Variants in MYOF observed in about 807,000 individuals in gnomAD.
The protein encoded by MYOF is fer-1-like 3, myoferlin.
In MYOF, 244 loss-of-function variants were observed where a neutral mutation model predicts 284.2. That is an observed-to-expected ratio of 0.86 (90% confidence interval 0.77 to 0.95). The LOEUF (loss-of-function observed/expected upper bound fraction) is 0.95. Among genes scored for constraint, MYOF ranks in the 40% least tolerant of loss-of-function variants. The pLI, the probability that MYOF is intolerant of heterozygous loss-of-function variation, is 0.00. For missense variants in MYOF, 2,496 were observed against 2,560.6 expected, an observed-to-expected ratio of 0.97 and a Z score of 0.54; for synonymous variants, 904 against 919.7, an observed-to-expected ratio of 0.98 and a Z score of 0.31.
chr10:93,480,968 T>C (rs2057373647), intron 1 of MYOF, among the ~76,000 whole-genome samples: 1 of 152,096 alleles, frequency 6.6e-6, no homozygotes, highest in South Asian at 2.1e-4. Flanking sequence ...GAAACACATG[T>C]CTATCCATGC....
At chr10:93,333,394 C>T in intron 42 of MYOF, 82 bp from the exon 43 acceptor site, 1 of 1,174,932 alleles carries the variant, frequency 8.5e-7, no homozygotes, top group Non-Finnish European at 1.3e-6. Context: ...CAGCTCGCCT[C>T]CACACCCACT....
intron 3 of MYOF, among the ~76,000 whole-genome samples, chr10:93,447,021 T>C (rs2056449982): frequency 6.6e-6 from 1 of 152,122 alleles, no homozygotes; most frequent in South Asian, 2.1e-4. Flanking sequence ...CCAGCCTCGT[T>C]TGGTCTTTAT....
chr10:93,358,912 T>C (rs1199900789), intron 29 of MYOF, among the ~76,000 whole-genome samples: 1 of 151,902 alleles, frequency 6.6e-6, no homozygotes, highest in East Asian at 1.9e-4. Context: ...GTAACAAACC[T>C]GCATGTACTG....
chr10:93,392,777 A>T, intron 17 of MYOF, 140 bp downstream of exon 17: 1 of 736,674 alleles, frequency 1.4e-6, no homozygotes, highest in Non-Finnish European at 2.3e-6. Flanking sequence ...TATGGCACTT[A>T]CACAAAAATT....
chr10:93,440,272 C>T (rs1334612256), intron 3 of MYOF, among the ~76,000 whole-genome samples: 3 of 152,014 alleles, frequency 2.0e-5, no homozygotes, highest in Non-Finnish European at 4.4e-5. Context: ...ATTAGTCGGG[C>T]GTGGTGGCGG....
intron 39 of MYOF, among the ~76,000 whole-genome samples, chr10:93,338,695 G>A (rs1589411436): frequency 1.3e-5 from 2 of 152,200 alleles, no homozygotes; most frequent in Admixed American, 6.5e-5. Flanking sequence ...TGAGACCAGG[G>A]CATCCAATAA....
intron 48 of MYOF, 24 bp from the exon 49 acceptor site, chr10:93,320,037 T>C: frequency 1.2e-6 from 2 of 1,613,296 alleles, no homozygotes; most frequent in Non-Finnish European, 1.7e-6. Flanking sequence ...GCAAACAGAC[T>C]TAGCTTCACG....
chr10:93,342,389 G>A (rs1843964357), intron 38 of MYOF, among the ~76,000 whole-genome samples: 3 of 152,142 alleles, frequency 2.0e-5, no homozygotes, highest in African/African-American at 7.2e-5. Context: ...ATGAACAAGT[G>A]GACTCAGATT....
chr10:93,414,710 T>C (rs1284873179), intron 5 of MYOF, among the ~76,000 whole-genome samples: 1 of 151,824 alleles, frequency 6.6e-6, no homozygotes, highest in Non-Finnish European at 1.5e-5. Context: ...GCCATCTTTT[T>C]TGTTGTTTTT....
intron 5 of MYOF, among the ~76,000 whole-genome samples, chr10:93,413,768 C>T (rs564372976): frequency 2.6e-5 from 4 of 152,206 alleles, no homozygotes; most frequent in South Asian, 4.1e-4. Flanking sequence ...GCAGGAGGAT[C>T]GCTTGAGCCC....
intron 53 of MYOF, among the ~76,000 whole-genome samples, chr10:93,309,389 G>A (rs1249884660): frequency 6.6e-6 from 1 of 152,180 alleles, no homozygotes; most frequent in Non-Finnish European, 1.5e-5. Context: ...TTCTAGGCAA[G>A]CTGCCAAATC....
intron 3 of MYOF, among the ~76,000 whole-genome samples, chr10:93,437,966 C>T (rs1849202792): frequency 6.6e-6 from 1 of 152,192 alleles, no homozygotes; most frequent in African/African-American, 2.4e-5. Context: ...TCCTGAGCCT[C>T]CTCCTAAGCC....
At chr10:93,348,851 T>C (rs1041416559) in intron 36 of MYOF, among the ~76,000 whole-genome samples, 1 of 150,402 alleles carries the variant, frequency 6.6e-6, no homozygotes, top group Non-Finnish European at 1.5e-5. Flanking sequence ...CAAGTAAGAA[T>C]GCACCAAGCC....
At chr10:93,357,145 C>T (rs1844845300) in intron 29 of MYOF, among the ~76,000 whole-genome samples, 1 of 152,176 alleles carries the variant, frequency 6.6e-6, no homozygotes, top group Non-Finnish European at 1.5e-5. Flanking sequence ...CAAGTGGATT[C>T]TTTCTCAAAT....
intron 5 of MYOF, among the ~76,000 whole-genome samples, chr10:93,410,952 C>A (rs1847876185): frequency 6.6e-6 from 1 of 152,230 alleles, no homozygotes; most frequent in Non-Finnish European, 1.5e-5. Flanking sequence ...CCACCCTCCA[C>A]TTTCGAGCTA....
In MYOF at chr10:93,355,409, C is replaced by G. The variant is rs1589435477; in HGVS notation, c.3403+219G>C. ...AGGAGGTCGAGACCAGCCTGGCTAA[C>G]ATGGAGGAAATGCAAAAATACAAAA... is the stretch of plus-strand genomic sequence containing the variant. On this transcript the variant is annotated intron_variant, in intron 31 of 53. Coordinates refer to ENST00000359263, the MANE Select transcript of MYOF (RefSeq NM_013451.4). 2.0e-5 allele frequency among the ~76,000 whole-genome samples: 3 copies of G among 152,086 alleles called. No homozygotes were observed. The South Asian group carries it at 6.2e-4, about 32-fold the overall frequency.
In MYOF at chr10:93,333,965, G is replaced by T; in HGVS notation, c.4564-52C>A. ...CAGGGCCCTGGGTGGCCCAGGTAGA[G>T]GGCTCCTGGGAAGTCCCCTCCTCCG... On this transcript the variant is annotated intron_variant, in intron 41 of 53. Transcript: ENST00000359263. The T allele has an allele frequency of 2.5e-6, 4 of 1,576,244 alleles. No individual in the cohort carries two copies. The Middle Eastern group carries it at 6.9e-4, about 271-fold the overall frequency.
intron 28 of MYOF, among the ~76,000 whole-genome samples, chr10:93,361,091 T>C (rs1353898210): frequency 6.6e-6 from 1 of 152,128 alleles, no homozygotes; most frequent in Non-Finnish European, 1.5e-5. Context: ...GGAGACAATT[T>C]TTCTATGGAC....
chr10:93,394,395 C>T (rs111311262), intron 16 of MYOF, among the ~76,000 whole-genome samples: 6,503 of 150,396 alleles, frequency 0.043, 194 homozygotes, highest in Middle Eastern at 0.079. Flanking sequence ...AGCCACTGCG[C>T]CCAGCCATGT....
Sources: allele counts gnomAD v4.1 joint callset (sites outside exome capture counted in the v4.1 genomes callset), GRCh38; gene constraint gnomAD v4.1.1; transcripts MANE v1.5; gene names NCBI Gene and HGNC (gene_info 2026-07-23, HGNC 2026-07-21).